Variants in PLK2 observed in about 807,000 individuals in gnomAD.
PLK2 encodes the protein polo like kinase 2.
PLK2 carries 25 observed loss-of-function variants against 78.1 expected under a neutral mutation model. The ratio of observed to expected loss-of-function variants is 0.32; its 90% CI spans 0.23 to 0.45. PLK2 has a LOEUF of 0.45. Among genes scored for constraint, PLK2 ranks in the 20% least tolerant of loss-of-function variants. PLK2 has a pLI of 1.00. For synonymous variants in PLK2, 332 were observed against 298.2 expected, an observed-to-expected ratio of 1.11 and a Z score of -1.17; for missense variants, 566 against 840.2, an observed-to-expected ratio of 0.67 and a Z score of 4.04.
At chr5:58,456,690 G>A (rs1743614462) in intron 8 of PLK2, 101 bp from the exon 9 acceptor site, 1 of 797,186 alleles carries the variant, frequency 1.3e-6, no homozygotes, top group African/African-American at 1.7e-5. Flanking sequence ...ACCAACTTAT[G>A]AGCATCCTGG....
In PLK2 at chr5:58,454,707, T is replaced by C. The variant is rs757932262; in HGVS notation, c.1934A>G (p.Tyr645Cys). 2.5e-6 allele frequency: 4 copies of C among 1,612,774 alleles called. No individual in the cohort carries two copies. The highest frequency in any genetic ancestry group is 8.5e-7 in the Non-Finnish European group (1 of 1,178,882). Residue 645 changes from tyrosine (Y) to cysteine (C), a missense_variant, in exon 14 of 14, where the codon TAC (tyrosine) becomes TGC (cysteine). Tyr to Cys is a radical substitution (Grantham distance 194). This residue lies in a region of PLK2 where 130 missense variants were observed against 196.4 expected (regional missense o/e 0.66). Coordinates refer to ENST00000274289, the MANE Select transcript of PLK2 (RefSeq NM_006622.4). ...TGTAGATATCCTATCCTCATTGATG[T>C]AGGTGAGAAGGTATTCTTCATTTTG... Reference protein sequence around the residue: ...CSQNEEYLLTYINEDRISTTF... With the variant: ...CSQNEEYLLTCINEDRISTTF...
At chr5:58,456,250 G>C (rs1193455885) in intron 9 of PLK2, 95 bp from the exon 10 acceptor site, 8 of 1,236,192 alleles carry the variant, frequency 6.5e-6, no homozygotes, top group African/African-American at 3.0e-5. Context: ...CAATTGCTGG[G>C]AAAGCTCATC....
chr5:58,459,460 T>A (rs1313597335), intron 1 of PLK2: 5 of 571,858 alleles, frequency 8.7e-6, no homozygotes, highest in Non-Finnish European at 1.5e-5. Context: ...AAGATGCATT[T>A]CTCTGGGCTG....
chr5:58,455,849 T>C, intron 10 of PLK2, 70 bp from the exon 11 acceptor site: 3 of 1,572,596 alleles, frequency 1.9e-6, no homozygotes, highest in South Asian at 1.1e-5. Flanking sequence ...CTTTGGTAGA[T>C]GCTAAGTTTC....
chr5:58,454,512 C>G lies in PLK2; in HGVS notation c.*71G>C, dbSNP rs542677377. 2 of 1,050,804 alleles carry G rather than the reference C, an allele frequency of 1.9e-6. No individual in the cohort carries two copies. The highest frequency in any genetic ancestry group is 3.2e-5 in the African/African-American group (2 of 62,866). The allele number at this position is 1,050,804 out of a possible 1,614,324, so 65.1% of individuals were successfully genotyped here. On this transcript the variant is annotated 3_prime_UTR_variant, in exon 14 of 14. Transcript: ENST00000274289. ...CCATCTTCTTCAACATACTCTAGATCATTCTTTTGGCTTCCCTGTAGATCT... is the reference window on the plus strand; with the variant it reads ...CCATCTTCTTCAACATACTCTAGATGATTCTTTTGGCTTCCCTGTAGATCT...
chr5:58,459,575 G>C (rs1230506509), intron 1 of PLK2, 115 bp downstream of exon 1: 3 of 902,510 alleles, frequency 3.3e-6, no homozygotes, highest in East Asian at 5.4e-5. Context: ...CGCTGGGATC[G>C]GACCCCCGAA....
At chr5:58,458,261 T>C (rs1450046968) in intron 4 of PLK2, 90 bp from the exon 5 acceptor site, 13 of 1,293,502 alleles carry the variant, frequency 1.0e-5, no homozygotes, top group South Asian at 3.5e-5. Flanking sequence ...AGGCAGCCAA[T>C]TGTTATATGA....
chr5:58,457,304 T>G lies in PLK2; in HGVS notation c.885A>C (p.Ala295=), dbSNP rs781673058. The change falls in exon 7 of 14, where the codon GCA becomes GCC. Residue 295 remains alanine, a synonymous_variant. Transcript: ENST00000274289. ...LKETYRCIRE[A]RYTMPSSLLA... ...GCAATGAGGACGGCATTGTATACCT[T>G]GCTTCCCTTATGCACCTATAAGTTT... 2 of 1,613,748 alleles carry G rather than the reference T, an allele frequency of 1.2e-6. No individual in the cohort carries two copies. Among genetic ancestry groups the G allele is most frequent in the Middle Eastern group, 1.7e-4 (1 of 6,060 alleles).
chr5:58,459,984 C>A lies in PLK2; in HGVS notation c.-25G>T. The A allele has an allele frequency of 6.4e-7, 1 of 1,561,338 alleles. No individual in the cohort carries two copies. Among genetic ancestry groups the A allele is most frequent in the African/African-American group, 1.3e-5 (1 of 74,140 alleles). On this transcript the variant is annotated 5_prime_UTR_variant, in exon 1 of 14. Coordinates refer to ENST00000274289, the MANE Select transcript of PLK2 (RefSeq NM_006622.4). ...TGGTCGCCTTGCCGCCCCGCACTGC[C>A]CGCTGCCACCCCCTAGGCGCGGTCA...
Position 58,459,847 on chromosome 5 carries a change from G to T in PLK2, c.113C>A (p.Pro38His), listed in dbSNP as rs1458426447. 1 of 1,610,290 alleles carries T rather than the reference G, an allele frequency of 6.2e-7. No homozygotes were observed. Among genetic ancestry groups the T allele is most frequent in the Non-Finnish European group, 8.5e-7 (1 of 1,179,700 alleles). The change falls in exon 1 of 14, where the codon CCC becomes CAC. Residue 38 changes from proline (P) to histidine (H), a missense_variant. This residue lies in a region of PLK2 where 127 missense variants were observed against 122.5 expected (regional missense o/e 1.04). Transcript: ENST00000274289. ...CTGAGGTGGCTGCGATTCCTCGGGG[G>T]GCTGCGGCGGCCGCTTCTTCTTCGA... ...ADSKKKRPPQ[P>H]PEESQPPQSQ...
At position 58,455,640 on chromosome 5, in the gene PLK2, A is replaced by G. The variant is rs779535106; in HGVS notation, c.1524T>C (p.Val508=). The change falls in exon 11 of 14, where the codon GTT becomes GTC. Residue 508 remains valine (V), a synonymous_variant. Coordinates refer to ENST00000274289, the MANE Select transcript of PLK2 (RefSeq NM_006622.4). ...CAAAGCCATATTTGTTAGAGTAATC[A>G]ACCCATTTGGTGACCCACTGAAATG... The part of the protein sequence containing the change: ...STSFQWVTKW[V]DYSNKYGFGY... The G allele has an allele frequency of 4.8e-5, 78 of 1,613,946 alleles. No homozygotes were observed. Among genetic ancestry groups the G allele is most frequent in the Non-Finnish European group, 6.5e-5 (77 of 1,179,998 alleles).
intron 8 of PLK2, 135 bp from the exon 9 acceptor site, chr5:58,456,724 C>T: frequency 1.5e-6 from 1 of 672,472 alleles, no homozygotes; most frequent in Non-Finnish European, 2.5e-6. Context: ...TTTACCTTTG[C>T]CTTTAGCTGC....
At chr5:58,454,890 T>G in intron 13 of PLK2, 21 bp downstream of exon 13, 2 of 1,529,142 alleles carry the variant, frequency 1.3e-6, no homozygotes, top group Non-Finnish European at 1.8e-6. Context: ...AAACGTGCAC[T>G]TTCCTGAAGA....
intron 13 of PLK2, 57 bp from the exon 14 acceptor site, chr5:58,454,831 T>G: frequency 6.7e-7 from 1 of 1,488,360 alleles, no homozygotes; most frequent in Non-Finnish European, 9.3e-7. Flanking sequence ...TTAGAAAAGT[T>G]CAGTCAATCA....
chr5:58,456,581 A>T lies in PLK2; in HGVS notation c.1165T>A (p.Ser389Thr). Reference protein sequence around the residue: ...ARYIDTHNRVSKEDEDIYKLR... With the variant: ...ARYIDTHNRVTKEDEDIYKLR... ...TTGTAGATGTCTTCATCTTCTTTAG[A>T]CACTCTATCTGTATATCAAGAAACA... Residue 389 changes from serine to threonine, a missense_variant, in exon 9 of 14, where the codon TCT becomes ACT. Coordinates refer to ENST00000274289, the MANE Select transcript of PLK2 (RefSeq NM_006622.4). 6.4e-7 allele frequency: 1 copy of T among 1,569,932 alleles called. No individual in the cohort carries two copies. The highest frequency in any genetic ancestry group is 8.8e-7 in the Non-Finnish European group (1 of 1,140,704).
At chr5:58,458,574 C>G (rs1257740607) in intron 3 of PLK2, 46 bp from the exon 4 acceptor site, 1 of 1,560,818 alleles carries the variant, frequency 6.4e-7, no homozygotes, top group Non-Finnish European at 8.7e-7. Flanking sequence ...AAACAGTTAT[C>G]AAAATCACTG....
At position 58,458,341 on chromosome 5, in the gene PLK2, A is replaced by T. The variant is rs747008081; in HGVS notation, c.625+58T>A. 5.7e-6 allele frequency: 9 copies of T among 1,578,004 alleles called. No homozygotes were observed. The African/African-American group carries it at 8.1e-5, about 14-fold the overall frequency. On this transcript the variant is annotated intron_variant, in intron 4 of 13. Transcript: ENST00000274289. ...TAAGAACATTAATATGTAAAAAAAAACAGAGAGAGAAAAAAGAACTCTAAC... is the reference window on the plus strand; with the variant it reads ...TAAGAACATTAATATGTAAAAAAAATCAGAGAGAGAAAAAAGAACTCTAAC...
In PLK2 at chr5:58,460,028, G is replaced by A. The variant is rs1213346773; in HGVS notation, c.-69C>T. ...GCGGTCACACGTCCGAGCCGGCCGT[G>A]GTCCTCGCACCCTTGCCTCTGGTGC... is the stretch of plus-strand genomic sequence containing the variant. On this transcript the variant is annotated 5_prime_UTR_variant, in exon 1 of 14. Coordinates refer to ENST00000274289, the MANE Select transcript of PLK2 (RefSeq NM_006622.4). 2.6e-6 allele frequency: 4 copies of A among 1,516,738 alleles called. No homozygotes were observed. The South Asian group carries it at 5.0e-5, about 19-fold the overall frequency. The allele number at this position is 1,516,738 out of a possible 1,614,324, so 94.0% of individuals were successfully genotyped here. A position where few individuals can be genotyped will look rare whatever the true frequency, so the allele number is the denominator to read the frequency against.
chr5:58,454,751 TG>T lies in PLK2; in HGVS notation c.1889del (p.Thr630LysfsTer28). The T allele has an allele frequency of 6.2e-7, 1 of 1,609,198 alleles. No homozygotes were observed. The highest frequency in any genetic ancestry group is 8.5e-7 in the Non-Finnish European group (1 of 1,176,292). ...TFQVNFYHDH[T>X]KIIICSQNEE... ...CATTTTGGCTACAGATGATGATTTT[TG>T]TATGATCATGGTAGAAATTCACCTT... On this transcript the variant is annotated frameshift_variant, in exon 14 of 14. Transcript: ENST00000274289. LOFTEE classifies it high-confidence loss of function.
Sources: allele counts gnomAD v4.1 joint callset, GRCh38; gene constraint gnomAD v4.1.1; regional missense constraint gnomAD v4.1.1; transcripts MANE v1.5; gene names NCBI Gene and HGNC (gene_info 2026-07-23, HGNC 2026-07-21).